GATA4: variants seen among roughly 807,000 people sequenced by gnomAD.
GATA4 encodes the protein transcription factor GATA-4.
GATA4 carries 7 observed loss-of-function variants against 37.9 expected under a neutral mutation model. That is an observed-to-expected ratio of 0.18 (90% CI 0.11 to 0.35). The LOEUF (loss-of-function observed/expected upper bound fraction) is 0.35, where lower values mean the gene tolerates loss of function less well. GATA4 is among the 10% of genes least tolerant of loss of function. The probability of loss-of-function intolerance (pLI) is 1.00; values close to 1 mark genes in which losing one functional copy is unlikely to be tolerated. For missense variants in GATA4, 647 were observed against 653.0 expected, an observed-to-expected ratio of 0.99 and a Z score of 0.10; for synonymous variants, 372 against 292.6, an observed-to-expected ratio of 1.27 and a Z score of -2.77.
upstream of GATA4, among the ~76,000 whole-genome samples, chr8:11,701,234 C>T (rs1485973657): frequency 7.8e-6 from 1 of 127,762 alleles, no homozygotes; most frequent in Non-Finnish European, 1.7e-5. Context: ...TCATTAGACC[C>T]AGGTTCTTAG....
intron 2 of GATA4, among the ~76,000 whole-genome samples, chr8:11,744,192 A>G (rs771944868): frequency 6.6e-6 from 1 of 152,084 alleles, no homozygotes. Flanking sequence ...CCCTCCTCCA[A>G]TAACCAGCGC....
At chr8:11,753,105 C>T (rs1393029526) in intron 4 of GATA4, among the ~76,000 whole-genome samples, 1 of 152,226 alleles carries the variant, frequency 6.6e-6, no homozygotes, top group African/African-American at 2.4e-5. Context: ...TATTTGTACA[C>T]TGCTGTTTAT....
intron 2 of GATA4, among the ~76,000 whole-genome samples, chr8:11,721,156 G>A (rs997576235): frequency 6.6e-6 from 1 of 151,542 alleles, no homozygotes. Context: ...GGCGAAAGTG[G>A]GTTCTACGGA....
upstream of GATA4, chr8:11,704,008 T>G (rs1585584800): frequency 6.6e-6 from 1 of 152,304 alleles, no homozygotes; most frequent in African/African-American, 2.4e-5. Flanking sequence ...GCGGTAGCAC[T>G]TGGGCATTTT....
intron 2 of GATA4, among the ~76,000 whole-genome samples, chr8:11,725,810 G>A (rs1364119984): frequency 1.3e-5 from 2 of 152,354 alleles, no homozygotes; most frequent in African/African-American, 2.4e-5. Flanking sequence ...GAAGCAGAAG[G>A]TGCATCTTGC....
chr8:11,758,390 G>T lies in GATA4; in HGVS notation c.1247G>T (p.Ser416Ile). The change falls in exon 7 of 7, where the codon AGC (serine) becomes ATC (isoleucine). Residue 416 changes from serine (S) to isoleucine (I), a missense_variant. By Grantham distance (142) the Ser-to-Ile change is moderately radical. Coordinates refer to ENST00000532059, the MANE Select transcript of GATA4 (RefSeq NM_001308093.3). ...CCACAAGGCTATGCGTCTCCCGTCA[G>T]CCAGTCTCCACAGACCAGCTCCAAG... ...LSPQGYASPV[S>I]QSPQTSSKQD... 1 of 1,614,212 alleles carries T rather than the reference G, an allele frequency of 6.2e-7. No individual in the cohort carries two copies. Among genetic ancestry groups the T allele is most frequent in the South Asian group, 1.1e-5 (1 of 91,086 alleles).
intron 1 of GATA4, among the ~76,000 whole-genome samples, chr8:11,682,823 G>T (rs1021681939): frequency 6.6e-6 from 1 of 152,208 alleles, no homozygotes; most frequent in Non-Finnish European, 1.5e-5. Context: ...TGTGGGGAGG[G>T]AGTGTGGTCC....
intron 2 of GATA4, among the ~76,000 whole-genome samples, chr8:11,724,984 C>T (rs1476962223): frequency 6.6e-6 from 1 of 152,266 alleles, no homozygotes; most frequent in East Asian, 1.9e-4. Context: ...CTCATGCCCG[C>T]AGTGTACACG....
intron 1 of GATA4, chr8:11,698,025 C>G: frequency 3.0e-6 from 3 of 985,086 alleles, no homozygotes; most frequent in Non-Finnish European, 3.6e-6. Context: ...GAGCCCTGGA[C>G]TCTGGGTTGA....
At chr8:11,686,888 C>A (rs1177796470) in intron 1 of GATA4, among the ~76,000 whole-genome samples, 2 of 151,970 alleles carry the variant, frequency 1.3e-5, no homozygotes, top group Non-Finnish European at 2.9e-5. Flanking sequence ...ATCCCAGCTA[C>A]TCAGGAGGCT....
At chr8:11,727,352 A>AG (rs933526100) in intron 2 of GATA4, among the ~76,000 whole-genome samples, 2 of 152,140 alleles carry the variant, frequency 1.3e-5, no homozygotes, top group African/African-American at 4.8e-5. Flanking sequence ...CCTGCTGGGA[A>AG]GGGGGGAGAG....
intron 1 of GATA4, among the ~76,000 whole-genome samples, chr8:11,706,587 GT>G (rs1348991928): frequency 6.6e-6 from 1 of 152,188 alleles, no homozygotes; most frequent in Non-Finnish European, 1.5e-5. Context: ...TTGTCTAAAG[GT>G]GTTTATTCCG....
At chr8:11,729,341 G>A (rs561899825) in intron 2 of GATA4, among the ~76,000 whole-genome samples, 2 of 152,162 alleles carry the variant, frequency 1.3e-5, no homozygotes, top group East Asian at 3.9e-4. Flanking sequence ...AGGCCAGGGT[G>A]AACGGATCAC....
In GATA4 at chr8:11,709,582, G is replaced by GT. The variant is rs989720358; in HGVS notation, c.616+654_616+655insT. Among the ~76,000 whole-genome samples the GT allele has an allele frequency of 6.6e-6, 1 of 151,978 alleles. No homozygotes were observed. Among genetic ancestry groups the GT allele is most frequent in the Admixed American group, 6.6e-5 (1 of 15,262 alleles). ...GGCGCATCATGCGGGCAGCGGGGGG[G>GT]GGGGCGCACACGCCCGGTCAGTGTC... On this transcript the variant is annotated intron_variant, in intron 2 of 6. Transcript: ENST00000532059. This position sits in a 1 kb window ranked among gnomAD's most constrained non-coding sequence, Gnocchi z 4.3.
In GATA4 at chr8:11,709,025, T is replaced by C. The variant is rs965818894; in HGVS notation, c.616+97T>C. On this transcript the variant is annotated intron_variant, in intron 2 of 6. Coordinates refer to ENST00000532059, the MANE Select transcript of GATA4 (RefSeq NM_001308093.3). This position sits in a 1 kb window ranked among gnomAD's most constrained non-coding sequence, Gnocchi z 4.3. ...TCTTGTTTTTCCACCAACGCCTTCG[T>C]TGGGCTGGGGATGGTGCTTCACTAC... 6 of 1,277,250 alleles carry C rather than the reference T, an allele frequency of 4.7e-6. No homozygotes were observed. Among genetic ancestry groups the C allele is most frequent in the Admixed American group, 2.9e-5 (1 of 34,462 alleles). The allele number at this position is 1,277,250 out of a possible 1,614,324, so 79.1% of individuals were successfully genotyped here. A position where few individuals can be genotyped will look rare whatever the true frequency, so the allele number is the denominator to read the frequency against.
chr8:11,714,035 G>C (rs1800322067), intron 2 of GATA4, among the ~76,000 whole-genome samples: 1 of 152,190 alleles, frequency 6.6e-6, no homozygotes, highest in Non-Finnish European at 1.5e-5. Flanking sequence ...ACCAGTTAAT[G>C]CTTGTGAGTA....
chr8:11,694,422 A>G (rs1281124490), intron 1 of GATA4: 2 of 940,708 alleles, frequency 2.1e-6, no homozygotes, highest in Non-Finnish European at 2.5e-6. Flanking sequence ...CGTGGCCCTC[A>G]GGGATCCTTT....
chr8:11,727,697 C>T (rs548868417), intron 2 of GATA4, among the ~76,000 whole-genome samples: 14 of 152,004 alleles, frequency 9.2e-5, no homozygotes, highest in Admixed American at 3.3e-4. Context: ...ACAAAAAATT[C>T]GCCCAGTATG....
At chr8:11,698,913 C>G (rs1799585591) in intron 1 of GATA4, among the ~76,000 whole-genome samples, 1 of 152,166 alleles carries the variant, frequency 6.6e-6, no homozygotes, top group Non-Finnish European at 1.5e-5. Flanking sequence ...CCAGGCTGGG[C>G]CCCTCCCTCC....
Sources: gnomAD v4.1 joint callset for allele counts (sites outside exome capture counted in the v4.1 genomes callset) on GRCh38, gnomAD v4.1.1 for gene constraint, Gnocchi (gnomAD v3.1) non-coding constraint, MANE v1.5 for transcripts, NCBI Gene and HGNC (gene_info 2026-07-23, HGNC 2026-07-21) for gene names.